Variants in TAOK3 observed in about 807,000 individuals in gnomAD.
The protein encoded by TAOK3 is serine/threonine-protein kinase TAO3.
TAOK3 carries 40 observed loss-of-function variants against 120.4 expected under a neutral mutation model. The ratio of observed to expected loss-of-function variants is 0.33; its 90% CI spans 0.26 to 0.43. The LOEUF is 0.43. Among genes scored for constraint, TAOK3 ranks in the 20% least tolerant of loss-of-function variants. The pLI, the probability that TAOK3 is intolerant of heterozygous loss-of-function variation, is 1.00. For synonymous variants in TAOK3, 355 were observed against 387.5 expected (o/e 0.92, Z 0.99); for missense variants, 821 against 1,112.1 (o/e 0.74, Z 3.72).
At chr12:118,170,599 C>G (rs1046157900) in intron 17 of TAOK3, among the ~76,000 whole-genome samples, 2 of 152,142 alleles carry the variant, frequency 1.3e-5, no homozygotes, top group African/African-American at 4.8e-5. Context: ...CCCACCTCTA[C>G]TAAAAATATA....
At chr12:118,276,455 A>G (rs2041905888) in intron 1 of TAOK3, among the ~76,000 whole-genome samples, 1 of 152,070 alleles carries the variant, frequency 6.6e-6, no homozygotes, top group African/African-American at 2.4e-5. Flanking sequence ...TAATCCCAGC[A>G]CTTTGGGAGG....
At chr12:118,312,380 A>C (rs17512483) in intron 1 of TAOK3, among the ~76,000 whole-genome samples, 14,495 of 152,202 alleles carry the variant, frequency 0.095, 864 homozygotes, top group Non-Finnish European at 0.13. Flanking sequence ...AAGCAAGTGT[A>C]ATTCTGAAAA....
intron 2 of TAOK3, among the ~76,000 whole-genome samples, chr12:118,265,270 T>A (rs1310470506): frequency 2.0e-5 from 3 of 151,664 alleles, no homozygotes; most frequent in Non-Finnish European, 2.9e-5. Flanking sequence ...TTGCCTGTAA[T>A]CCTAGCTACT....
intron 1 of TAOK3, among the ~76,000 whole-genome samples, chr12:118,309,610 G>T (rs1361164570): frequency 6.6e-6 from 1 of 151,774 alleles, no homozygotes; most frequent in African/African-American, 2.4e-5. Flanking sequence ...CCGCCTTCCG[G>T]GTTCAAGAGA....
intron 1 of TAOK3, among the ~76,000 whole-genome samples, chr12:118,312,241 ATT>A (rs2043290414): frequency 1.3e-5 from 2 of 152,180 alleles, no homozygotes; most frequent in Non-Finnish European, 2.9e-5. Flanking sequence ...ATAATTAAAC[ATT>A]GAGACATAGC....
At chr12:118,344,379 T>C (rs1029981639) in intron 1 of TAOK3, among the ~76,000 whole-genome samples, 3 of 151,942 alleles carry the variant, frequency 2.0e-5, no homozygotes, top group Middle Eastern at 3.2e-3. Flanking sequence ...TAAATCTCTG[T>C]TAATATACAA....
intron 19 of TAOK3, among the ~76,000 whole-genome samples, chr12:118,158,637 C>CT (rs2035002300): frequency 1.3e-5 from 2 of 152,172 alleles, no homozygotes; most frequent in Admixed American, 6.5e-5. Flanking sequence ...CTCTCATCAC[C>CT]TTTTTCCTGA....
At chr12:118,300,582 C>T (rs180685036) in intron 1 of TAOK3, among the ~76,000 whole-genome samples, 53 of 152,116 alleles carry the variant, frequency 3.5e-4, no homozygotes, top group Admixed American at 7.2e-4. Flanking sequence ...CACACATGCA[C>T]GCACACACAC....
At chr12:118,216,772 C>T (rs1418072203) in intron 9 of TAOK3, among the ~76,000 whole-genome samples, 1 of 151,550 alleles carries the variant, frequency 6.6e-6, no homozygotes, top group Non-Finnish European at 1.5e-5. Context: ...ACTAAAAATA[C>T]AAAAAAATTA....
intron 1 of TAOK3, among the ~76,000 whole-genome samples, chr12:118,267,342 A>C (rs2041494852): frequency 6.6e-6 from 1 of 151,522 alleles, no homozygotes; most frequent in East Asian, 2.0e-4. Flanking sequence ...CAGCCTCCCA[A>C]GTACTGGGAT....
chr12:118,156,017 G>A (rs1453239117), intron 19 of TAOK3, among the ~76,000 whole-genome samples: 1 of 152,154 alleles, frequency 6.6e-6, no homozygotes, highest in East Asian at 1.9e-4. Flanking sequence ...GTGAGCCACC[G>A]CGCCTGGTCT....
At chr12:118,319,469 C>T (rs1315459284) in intron 1 of TAOK3, among the ~76,000 whole-genome samples, 1 of 151,390 alleles carries the variant, frequency 6.6e-6, no homozygotes, top group African/African-American at 2.4e-5. Context: ...TAAAGAACTG[C>T]TATAACTTAA....
intron 15 of TAOK3, among the ~76,000 whole-genome samples, chr12:118,180,480 A>G (rs1344457144): frequency 6.6e-6 from 1 of 152,048 alleles, no homozygotes; most frequent in Middle Eastern, 3.2e-3. Context: ...GGCTCAAGAG[A>G]TCCACCCACC....
chr12:118,246,652 C>T (rs2040523422), intron 3 of TAOK3: 1 of 1,566,200 alleles, frequency 6.4e-7, no homozygotes. Flanking sequence ...CGCTGCGGCT[C>T]TGTGCTGGTG....
intron 1 of TAOK3, among the ~76,000 whole-genome samples, chr12:118,293,925 G>A (rs987889968): frequency 4.0e-5 from 6 of 151,658 alleles, no homozygotes; most frequent in Non-Finnish European, 7.4e-5. Flanking sequence ...TGAGGTAGGA[G>A]AATCGCTTGA....
At chr12:118,208,212 T>TA (rs1290544781) in intron 11 of TAOK3, among the ~76,000 whole-genome samples, 1 of 152,202 alleles carries the variant, frequency 6.6e-6, no homozygotes, top group African/African-American at 2.4e-5. Context: ...GTTGTTTATT[T>TA]AAATGGATTA....
intron 1 of TAOK3, among the ~76,000 whole-genome samples, chr12:118,303,940 G>T (rs577061111): frequency 2.0e-4 from 31 of 152,172 alleles, no homozygotes; most frequent in Non-Finnish European, 4.0e-4. Flanking sequence ...GAGCCACCAT[G>T]CCTGGTCCCA....
At chr12:118,310,746 GCTT>G (rs1289533366) in intron 1 of TAOK3, among the ~76,000 whole-genome samples, 1 of 152,068 alleles carries the variant, frequency 6.6e-6, no homozygotes, top group Non-Finnish European at 1.5e-5. Context: ...GATGTTGGTA[GCTT>G]TTTTCTTCTG....
chr12:118,206,791 T>A lies in TAOK3; in HGVS notation c.820-5328A>T, dbSNP rs138353747. 7.1e-3 allele frequency among the ~76,000 whole-genome samples: 1,079 copies of A among 151,560 alleles called. 7 individuals are homozygous for A. Among genetic ancestry groups the A allele is most frequent in the Middle Eastern group, 0.017 (5 of 290 alleles). ...TTTTGTATTTTAATAGAGATGGGGT[T>A]TCACCATGTTGGCCAAGATGGTCTC... On this transcript the variant is annotated intron_variant, in intron 11 of 20. Transcript: ENST00000392533.
Sources: gnomAD v4.1 joint callset for allele counts (sites outside exome capture counted in the v4.1 genomes callset) on GRCh38, gnomAD v4.1.1 for gene constraint, MANE v1.5 for transcripts, NCBI Gene and HGNC (gene_info 2026-07-23, HGNC 2026-07-21) for gene names.